Variants in TENM3 observed in about 807,000 individuals in gnomAD.
The protein encoded by TENM3 is teneurin-3.
In TENM3, 63 loss-of-function variants were observed where a neutral mutation model predicts 255.1. The ratio of observed to expected loss-of-function variants is 0.25; its 90% CI spans 0.20 to 0.30. TENM3 has a LOEUF of 0.30. Ranked by LOEUF, TENM3 falls within the 10% of genes least tolerant of loss-of-function variation. The pLI is 1.00. For missense variants in TENM3, 2,929 were observed against 3,461.1 expected (o/e 0.85, Z 3.86); for synonymous variants, 1,306 against 1,322.3 (o/e 0.99, Z 0.27).
chr4:181,694,745 A>G, the TENM3 span, among the ~76,000 whole-genome samples: 2 of 152,236 alleles, frequency 1.3e-5, no homozygotes, highest in Non-Finnish European at 2.9e-5. Flanking sequence ...CTTTGCGTTA[A>G]CAACAACCAA....
chr4:182,442,847 TACACACACACAC>T (rs10586825), intron 3 of TENM3, among the ~76,000 whole-genome samples: 1 of 147,794 alleles, frequency 6.8e-6, no homozygotes, highest in Non-Finnish European at 1.5e-5. Context: ...CATACATATA[TACACACACACAC>T]ACACACACAC....
chr4:181,522,100 CAAAAAAAAAAAA>C, the TENM3 span, among the ~76,000 whole-genome samples: 13 of 54,726 alleles, frequency 2.4e-4, no homozygotes, highest in African/African-American at 5.5e-4. Flanking sequence ...GACTCCGTCT[CAAAAAAAAAAAA>C]AAAAAAAAAA....
At chr4:182,015,912 T>C in the TENM3 span, among the ~76,000 whole-genome samples, 1 of 152,194 alleles carries the variant, frequency 6.6e-6, no homozygotes, top group South Asian at 2.1e-4. Context: ...GAGAAAACCA[T>C]CATTAACTTA....
At chr4:181,981,109 A>G in the TENM3 span, among the ~76,000 whole-genome samples, 1 of 152,040 alleles carries the variant, frequency 6.6e-6, no homozygotes, top group Non-Finnish European at 1.5e-5. Context: ...CAACACTTTT[A>G]ATGTTCTCTT....
rs182177387 is a variant in TENM3, at chr4:182,676,309, G to A, written c.1326+3090G>A. Among the ~76,000 whole-genome samples, 11 of 152,338 alleles carry A rather than the reference G, an allele frequency of 7.2e-5. No homozygotes were observed. In the East Asian group the frequency reaches 1.2e-3, roughly 16 times the overall value. Reference sequence around the variant, plus strand: ...AGGAGTCAATGCAGAGCCTTATGGTGAAGTATACTGTAGCATTTTAGTGCA... The same window carrying A: ...AGGAGTCAATGCAGAGCCTTATGGTAAAGTATACTGTAGCATTTTAGTGCA... On this transcript the variant is annotated intron_variant, in intron 7 of 27. Transcript: ENST00000511685.
rs1336050614 is a variant in TENM3 at position 182,801,132 on chromosome 4, T to G, written c.*781T>G. ...AAAATAAAATGATAAAAACGTGAAC[T>G]GTGTGATTTTTTTAAAAGGATTGCA... On this transcript the variant is annotated 3_prime_UTR_variant, in exon 28 of 28. Coordinates refer to ENST00000511685, the MANE Select transcript of TENM3 (RefSeq NM_001080477.4). 1 of 152,170 alleles carries G rather than the reference T, an allele frequency of 6.6e-6. No individual in the cohort carries two copies. The allele number at this position is 152,170 out of a possible 1,614,324, so 9.4% of individuals were successfully genotyped here.
the TENM3 span, among the ~76,000 whole-genome samples, chr4:181,542,136 C>T: frequency 0.044 from 6,727 of 152,160 alleles, 228 homozygotes; most frequent in South Asian, 0.15. Flanking sequence ...CATGCTATGA[C>T]GGATGCTATG....
the TENM3 span, among the ~76,000 whole-genome samples, chr4:182,099,895 C>T: frequency 0.99 from 150,093 of 152,224 alleles, 74,038 homozygotes; most frequent in East Asian, 1. Context: ...CAGGGCTGCC[C>T]GGGAACAGAA....
chr4:182,037,162 T>TTTTTTTTTTTTTTTGTG, the TENM3 span, among the ~76,000 whole-genome samples: 12 of 152,066 alleles, frequency 7.9e-5, no homozygotes, highest in African/African-American at 2.9e-4. Flanking sequence ...TTTTTTTTTT[T>TTTTTTTTTTTTTTTGTG]TGTGACACGG....
At chr4:181,463,600 T>G in the TENM3 span, among the ~76,000 whole-genome samples, 1 of 152,184 alleles carries the variant, frequency 6.6e-6, no homozygotes, top group African/African-American at 2.4e-5. Context: ...GATTTTTGGT[T>G]GTTGTCATTG....
the TENM3 span, among the ~76,000 whole-genome samples, chr4:181,579,498 G>A: frequency 1.3e-5 from 2 of 152,164 alleles, no homozygotes; most frequent in African/African-American, 4.8e-5. Context: ...GATTTAAGCA[G>A]GCAGGCAATA....
chr4:181,583,252 G>T, the TENM3 span, among the ~76,000 whole-genome samples: 1 of 151,886 alleles, frequency 6.6e-6, no homozygotes, highest in Non-Finnish European at 1.5e-5. Context: ...TGATCAGAGT[G>T]GTATAATATC....
chr4:182,777,758 A>G (rs1764814097), intron 24 of TENM3, among the ~76,000 whole-genome samples: 1 of 149,534 alleles, frequency 6.7e-6, no homozygotes. Context: ...GAGTTTTACC[A>G]TGTTGGCCAG....
chr4:182,260,695 C>A (rs1176734029), intron 1 of TENM3, among the ~76,000 whole-genome samples: 1 of 152,140 alleles, frequency 6.6e-6, no homozygotes, highest in Non-Finnish European at 1.5e-5. Context: ...ATAAGTGTAG[C>A]TTTCACTGAC....
chr4:182,444,407 C>A (rs1772738715), intron 3 of TENM3, among the ~76,000 whole-genome samples: 1 of 151,962 alleles, frequency 6.6e-6, no homozygotes, highest in Non-Finnish European at 1.5e-5. Context: ...GTAACAATTT[C>A]TTTGATATGC....
the TENM3 span, among the ~76,000 whole-genome samples, chr4:181,655,329 C>G: frequency 1.3e-5 from 2 of 152,166 alleles, no homozygotes; most frequent in Non-Finnish European, 2.9e-5. Flanking sequence ...TTAATGAAGA[C>G]ATGAATTGCA....
chr4:182,437,895 T>C (rs910675422), intron 3 of TENM3, among the ~76,000 whole-genome samples: 4 of 151,754 alleles, frequency 2.6e-5, no homozygotes, highest in Admixed American at 6.6e-5. Flanking sequence ...GTGGTTGCAG[T>C]GAGCCGAGAT....
At chr4:182,777,606 G>A (rs1764795036) in intron 24 of TENM3, among the ~76,000 whole-genome samples, 1 of 125,070 alleles carries the variant, frequency 8.0e-6, no homozygotes, top group African/African-American at 3.2e-5. Flanking sequence ...TGCCCAGGCT[G>A]GAGTGCAGTG....
the TENM3 span, among the ~76,000 whole-genome samples, chr4:181,798,558 C>A: frequency 6.6e-6 from 1 of 152,272 alleles, no homozygotes; most frequent in Admixed American, 6.5e-5. Flanking sequence ...TCAATACCTT[C>A]TCTTCTAAAA....
Sources: gnomAD v4.1 joint callset for allele counts (sites outside exome capture counted in the v4.1 genomes callset) on GRCh38, gnomAD v4.1.1 for gene constraint, MANE v1.5 for transcripts, NCBI Gene and HGNC (gene_info 2026-07-23, HGNC 2026-07-21) for gene names.